PAX5: variants seen among roughly 807,000 people sequenced by gnomAD.
PAX5 encodes the protein paired box 5.
A neutral mutation model predicts 43.7 loss-of-function variants in PAX5; 9 were observed. That is an observed-to-expected ratio of 0.21 (90% CI 0.12 to 0.36). The LOEUF is 0.36. PAX5 is among the 10% of genes least tolerant of loss of function. The probability of loss-of-function intolerance (pLI) is 1.00; values close to 1 mark genes in which losing one functional copy is unlikely to be tolerated. For synonymous variants in PAX5, 228 were observed against 214.3 expected (o/e 1.06, Z -0.56); for missense variants, 383 against 532.7 (o/e 0.72, Z 2.77).
intron 7 of PAX5, among the ~76,000 whole-genome samples, chr9:36,921,996 C>T (rs1335181368): frequency 6.6e-6 from 1 of 152,180 alleles, no homozygotes; most frequent in Non-Finnish European, 1.5e-5. Flanking sequence ...CCCTCGCTAA[C>T]GTCTCCCACC....
At chr9:36,867,554 TAGC>T (rs60553437) in intron 8 of PAX5, among the ~76,000 whole-genome samples, 6,415 of 152,212 alleles carry the variant, frequency 0.042, 244 homozygotes, top group African/African-American at 0.097. Flanking sequence ...TTCGTCTTCT[TAGC>T]AGCATTGTGA....
chr9:36,997,839 G>T (rs1837519495), intron 5 of PAX5, among the ~76,000 whole-genome samples: 1 of 152,232 alleles, frequency 6.6e-6, no homozygotes, highest in Non-Finnish European at 1.5e-5. Flanking sequence ...GCCCTGTCAA[G>T]TCCACATGAG....
intron 5 of PAX5, among the ~76,000 whole-genome samples, chr9:36,999,031 T>C (rs934809988): frequency 2.0e-5 from 3 of 152,220 alleles, no homozygotes; most frequent in South Asian, 2.1e-4. Context: ...GTCACTGTCA[T>C]GTTATCTTTT....
At chr9:36,937,970 C>T (rs1831705702) in intron 6 of PAX5, among the ~76,000 whole-genome samples, 1 of 152,170 alleles carries the variant, frequency 6.6e-6, no homozygotes, top group Non-Finnish European at 1.5e-5. Context: ...TAGTTCAAGT[C>T]CTCTCTGTTC....
At chr9:37,028,893 C>T (rs760404224) in intron 1 of PAX5, among the ~76,000 whole-genome samples, 2 of 152,178 alleles carry the variant, frequency 1.3e-5, no homozygotes, top group Non-Finnish European at 2.9e-5. Context: ...CTTTGACTAG[C>T]GAGTCCGCTT....
At chr9:36,849,045 C>T (rs920151696) in intron 8 of PAX5, among the ~76,000 whole-genome samples, 4 of 152,186 alleles carry the variant, frequency 2.6e-5, no homozygotes, top group African/African-American at 9.7e-5. Flanking sequence ...CCCTCTCCCA[C>T]CCCTCCTCTT....
At chr9:36,946,877 C>T (rs1588050341) in intron 6 of PAX5, among the ~76,000 whole-genome samples, 1 of 152,162 alleles carries the variant, frequency 6.6e-6, no homozygotes, top group Non-Finnish European at 1.5e-5. Context: ...TCCTAACCCC[C>T]AAGCCACAGT....
intron 3 of PAX5, among the ~76,000 whole-genome samples, chr9:37,010,466 A>G (rs557258064): frequency 2.6e-5 from 4 of 152,282 alleles, no homozygotes; most frequent in Admixed American, 1.3e-4. Flanking sequence ...TCTGCTAAAT[A>G]CTTCCTATGT....
chr9:36,896,146 G>A (rs1573257), intron 7 of PAX5, among the ~76,000 whole-genome samples: 70,947 of 151,866 alleles, frequency 0.47, 19,819 homozygotes, highest in East Asian at 0.66. Context: ...GTCCAGGACC[G>A]GCTGACAGCT....
rs1341642404 is a variant in PAX5 at position 36,835,580 on chromosome 9, G to C, written c.*4980C>G. On this transcript the variant is annotated 3_prime_UTR_variant, in exon 10 of 10. Transcript: ENST00000358127. ...GGGCAAGGGGCTGAAGGGGCTGCTG[G>C]GAGGTGGGGCACGCCGTGGGCTAGG... 2.1e-5 allele frequency: 5 copies of C among 233,332 alleles called. No individual in the cohort carries two copies. Among genetic ancestry groups the C allele is most frequent in the Non-Finnish European group, 3.4e-5 (4 of 118,118 alleles). The allele number at this position is 233,332 out of a possible 1,614,324, so 14.5% of individuals were successfully genotyped here.
At chr9:37,006,862 G>A (rs113123382) in intron 3 of PAX5, among the ~76,000 whole-genome samples, 2 of 152,350 alleles carry the variant, frequency 1.3e-5, no homozygotes, top group African/African-American at 4.8e-5. Context: ...CCTTTCTCGA[G>A]TATAGCTCTA....
chr9:37,011,128 C>CAAA (rs1225031293), intron 3 of PAX5, among the ~76,000 whole-genome samples: 1 of 100,950 alleles, frequency 9.9e-6, no homozygotes, highest in African/African-American at 3.2e-5. Context: ...CTCAAAAAAA[C>CAAA]AAAAAAAAAA....
chr9:36,990,858 C>A (rs1034447623), intron 5 of PAX5, among the ~76,000 whole-genome samples: 7 of 152,192 alleles, frequency 4.6e-5, no homozygotes, highest in Admixed American at 3.3e-4. Flanking sequence ...GCCTGTAATC[C>A]CAGCACTTTG....
At chr9:36,955,349 A>G (rs938852190) in intron 6 of PAX5, among the ~76,000 whole-genome samples, 1 of 152,132 alleles carries the variant, frequency 6.6e-6, no homozygotes, top group African/African-American at 2.4e-5. Flanking sequence ...AAGTTTTTTT[A>G]TATGCATCTG....
In PAX5 at chr9:37,034,070, G is replaced by GTGCCTTTTT; in HGVS notation, c.-40_-39insAAAAAGGCA. 4.1e-6 allele frequency: 2 copies of GTGCCTTTTT among 488,314 alleles called. No individual in the cohort carries two copies. The highest frequency in any genetic ancestry group is 4.5e-5 in the South Asian group (2 of 44,228). 30.2% of individuals were successfully genotyped at this position (488,314 alleles called of 1,614,324 possible). A position where few individuals can be genotyped will look rare whatever the true frequency, so the allele number is the denominator to read the frequency against. On this transcript the variant is annotated 5_prime_UTR_variant, in exon 1 of 10. Coordinates refer to ENST00000358127, the MANE Select transcript of PAX5 (RefSeq NM_016734.3). Reference sequence around the variant, plus strand: ...GACTTGATGGAATGGACAGGGAAAAGTTTCCACTTTTTTGTGCCTTTTTTT... The same window carrying GTGCCTTTTT: ...GACTTGATGGAATGGACAGGGAAAAGTGCCTTTTTTTTCCACTTTTTTGTGCCTTTTTTT...
chr9:37,019,079 C>G (rs890735552), intron 2 of PAX5, among the ~76,000 whole-genome samples: 10 of 152,192 alleles, frequency 6.6e-5, no homozygotes, highest in South Asian at 2.1e-4. Flanking sequence ...TATCTAGGAG[C>G]CTTTTGGTTC....
chr9:36,895,557 A>G (rs1827791756), intron 7 of PAX5, among the ~76,000 whole-genome samples: 1 of 152,212 alleles, frequency 6.6e-6, no homozygotes, highest in Non-Finnish European at 1.5e-5. Flanking sequence ...ATACCTCCTT[A>G]GACTGCTTAA....
intron 4 of PAX5, among the ~76,000 whole-genome samples, chr9:37,003,800 G>GCC (rs1838153068): frequency 6.6e-6 from 1 of 152,204 alleles, no homozygotes; most frequent in Non-Finnish European, 1.5e-5. Context: ...TTGTGCCACT[G>GCC]TACTCCAGCC....
Position 36,966,563 on chromosome 9 carries a change from T to C in PAX5, c.766A>G (p.Ile256Val), listed in dbSNP as rs748066596. The change falls in exon 6 of 10, where the codon ATC (isoleucine) becomes GTC (valine). Residue 256 changes from isoleucine to valine, a missense_variant. Ile to Val is a conservative substitution (Grantham distance 29). Coordinates refer to ENST00000358127, the MANE Select transcript of PAX5 (RefSeq NM_016734.3). ...YSDIFTTTEP[I>V]KPEQTTEYSA... ...ACGAGGCGTACCTGCTCGGGCTTGA[T>C]GGGCTCTGTGGTGGTGAAGATGTCT... 6.2e-7 allele frequency: 1 copy of C among 1,614,020 alleles called. No individual in the cohort carries two copies. The highest frequency in any genetic ancestry group is 1.1e-5 in the South Asian group (1 of 91,044).
Sources: allele counts gnomAD v4.1 joint callset (sites outside exome capture counted in the v4.1 genomes callset), GRCh38; gene constraint gnomAD v4.1.1; transcripts MANE v1.5; gene names NCBI Gene and HGNC (gene_info 2026-07-23, HGNC 2026-07-21).